ERC2: variants seen among roughly 807,000 people sequenced by gnomAD.
ERC2 encodes ERC protein 2.
In ERC2, 42 loss-of-function variants were observed where a neutral mutation model predicts 114.8. That is an observed-to-expected ratio of 0.37 (90% CI 0.29 to 0.47). The LOEUF is 0.47. ERC2 is among the 20% of genes least tolerant of loss of function. The pLI is 0.99. For missense variants in ERC2, 939 were observed against 1,150.7 expected (o/e 0.82, Z 2.66); for synonymous variants, 454 against 425.5 (o/e 1.07, Z -0.82).
intron 2 of ERC2, among the ~76,000 whole-genome samples, chr3:56,385,359 T>A (rs116791281): frequency 0.024 from 3,712 of 152,192 alleles, 65 homozygotes; most frequent in Admixed American, 0.035. Context: ...GGCTCTGCTG[T>A]CATAATCCAA....
At chr3:55,732,715 A>G (rs772319459) in intron 15 of ERC2, among the ~76,000 whole-genome samples, 2 of 152,222 alleles carry the variant, frequency 1.3e-5, no homozygotes, top group Non-Finnish European at 2.9e-5. Flanking sequence ...GCCTGGTAAG[A>G]AGGCTTCTGG....
chr3:55,933,095 C>A (rs957734244), intron 13 of ERC2, among the ~76,000 whole-genome samples: 1 of 151,836 alleles, frequency 6.6e-6, no homozygotes, highest in Non-Finnish European at 1.5e-5. Flanking sequence ...TGTAATCCCA[C>A]CTACTCGAGA....
At chr3:55,931,144 ACTG>A in intron 13 of ERC2, among the ~76,000 whole-genome samples, 1 of 152,214 alleles carries the variant, frequency 6.6e-6, no homozygotes, top group Non-Finnish European at 1.5e-5. Flanking sequence ...AGGCTTTTAC[ACTG>A]TTGGTGAGAG....
intron 15 of ERC2, among the ~76,000 whole-genome samples, chr3:55,710,961 A>G (rs1054023714): frequency 2.0e-5 from 3 of 152,184 alleles, no homozygotes; most frequent in Non-Finnish European, 4.4e-5. Flanking sequence ...TGACAGCTGG[A>G]ACCTGGCCCT....
intron 14 of ERC2, among the ~76,000 whole-genome samples, chr3:55,787,363 G>C (rs113372714): frequency 1.3e-5 from 2 of 152,246 alleles, no homozygotes; most frequent in African/African-American, 4.8e-5. Context: ...GATGTGGAAA[G>C]TTGTGATCCT....
intron 13 of ERC2, among the ~76,000 whole-genome samples, chr3:55,904,309 G>GAAACCATCT (rs2064307879): frequency 1.3e-5 from 2 of 152,142 alleles, no homozygotes; most frequent in African/African-American, 4.8e-5. Flanking sequence ...CACACAAGTT[G>GAAACCATCT]AAACCATCTA....
At chr3:56,436,755 G>T (rs1294310965) in intron 1 of ERC2, among the ~76,000 whole-genome samples, 1 of 152,218 alleles carries the variant, frequency 6.6e-6, no homozygotes, top group East Asian at 1.9e-4. Flanking sequence ...AGCTGGGAAA[G>T]ATAAGCTCTT....
intron 3 of ERC2, among the ~76,000 whole-genome samples, chr3:56,205,726 A>C (rs2048685452): frequency 2.6e-5 from 4 of 152,172 alleles, no homozygotes; most frequent in Admixed American, 2.6e-4. Flanking sequence ...TTGAGAAAAC[A>C]AATCCACTTG....
chr3:55,533,410 CCAA>C (rs1405299646), intron 17 of ERC2, among the ~76,000 whole-genome samples: 2 of 152,192 alleles, frequency 1.3e-5, no homozygotes, highest in African/African-American at 4.8e-5. Flanking sequence ...ACCTTAGGAA[CCAA>C]CGTTTGCTGC....
Position 56,139,492 on chromosome 3 carries a change from C to T in ERC2, c.1473+17G>A. 2 of 1,601,890 alleles carry T rather than the reference C, an allele frequency of 1.2e-6. No homozygotes were observed. Among genetic ancestry groups the T allele is most frequent in the Non-Finnish European group, 1.7e-6 (2 of 1,173,064 alleles). On this transcript the variant is annotated intron_variant, in intron 6 of 17. Coordinates refer to ENST00000288221, the MANE Select transcript of ERC2 (RefSeq NM_015576.3). Reference sequence around the variant, plus strand: ...TTCAATGTCTCTGCTGTCTAGAATCCTGAGAGAGTGCCTTACCTCAGTCTG... The same window carrying T: ...TTCAATGTCTCTGCTGTCTAGAATCTTGAGAGAGTGCCTTACCTCAGTCTG...
chr3:55,724,460 T>C (rs1011518911), intron 15 of ERC2, among the ~76,000 whole-genome samples: 19 of 152,214 alleles, frequency 1.2e-4, no homozygotes, highest in Admixed American at 9.8e-4. Flanking sequence ...AAAGCTTCAA[T>C]GTGAGTCCCA....
chr3:55,906,628 T>G (rs1430842157), intron 13 of ERC2, among the ~76,000 whole-genome samples: 2 of 152,186 alleles, frequency 1.3e-5, no homozygotes, highest in African/African-American at 4.8e-5. Context: ...TTCTGATGCA[T>G]GTTCAAGTTC....
chr3:55,822,903 G>A (rs931021098), intron 14 of ERC2, among the ~76,000 whole-genome samples: 4 of 152,062 alleles, frequency 2.6e-5, no homozygotes, highest in African/African-American at 4.8e-5. Context: ...GTGAGCCGCC[G>A]CACCGAGCCC....
chr3:56,173,709 T>G, intron 3 of ERC2, 189 bp from the exon 4 acceptor site: 1 of 554,198 alleles, frequency 1.8e-6, no homozygotes, highest in Non-Finnish European at 3.2e-6. Flanking sequence ...GGTGAAAAGC[T>G]CCTGGCACAT....
rs1225314116 is a variant in ERC2, at chr3:56,016,971, G to A, written c.1779+1923C>T. 3.3e-5 allele frequency among the ~76,000 whole-genome samples: 5 copies of A among 152,052 alleles called. No individual in the cohort carries two copies. In the South Asian group the frequency reaches 8.3e-4, roughly 25 times the overall value. Reference sequence around the variant, plus strand: ...CCCTCACAACATCCCATGCATGTGTGGACAAATCCTGCAAAGTGCTGCAGG... The same window carrying A: ...CCCTCACAACATCCCATGCATGTGTAGACAAATCCTGCAAAGTGCTGCAGG... On this transcript the variant is annotated intron_variant, in intron 8 of 17. Transcript: ENST00000288221.
At chr3:56,363,087 G>T (rs575440493) in intron 2 of ERC2, among the ~76,000 whole-genome samples, 87 of 152,248 alleles carry the variant, frequency 5.7e-4, no homozygotes, top group Non-Finnish European at 1.1e-3. Context: ...TTATGATATA[G>T]AAGGAAATAA....
chr3:56,192,768 G>A (rs943672527), intron 3 of ERC2, among the ~76,000 whole-genome samples: 27 of 152,136 alleles, frequency 1.8e-4, no homozygotes, highest in African/African-American at 6.3e-4. Context: ...ATGGAGCTAA[G>A]CCTGAAGAAG....
At chr3:55,869,524 CTTCT>C (rs2062474146) in intron 14 of ERC2, among the ~76,000 whole-genome samples, 1 of 152,130 alleles carries the variant, frequency 6.6e-6, no homozygotes, top group South Asian at 2.1e-4. Context: ...TCTGTCCCCC[CTTCT>C]TTACCTCCCC....
At chr3:55,958,830 A>G (rs902175095) in intron 12 of ERC2, among the ~76,000 whole-genome samples, 3 of 152,164 alleles carry the variant, frequency 2.0e-5, no homozygotes, top group African/African-American at 7.2e-5. Context: ...GGCACTTCTG[A>G]GCCTGTGGGC....
Sources: allele counts gnomAD v4.1 joint callset (sites outside exome capture counted in the v4.1 genomes callset), GRCh38; gene constraint gnomAD v4.1.1; transcripts MANE v1.5; gene names NCBI Gene and HGNC (gene_info 2026-07-23, HGNC 2026-07-21).